Variants in RNGTT observed in about 807,000 individuals in gnomAD.
The protein encoded by RNGTT is mRNA-capping enzyme.
A neutral mutation model predicts 79.3 loss-of-function variants in RNGTT; 33 were observed. That is an observed-to-expected ratio of 0.42 (90% CI 0.32 to 0.56). The LOEUF is 0.56. Among genes scored for constraint, RNGTT ranks in the 20% least tolerant of loss-of-function variants. RNGTT has a pLI of 0.17. For synonymous variants in RNGTT, 222 were observed against 235.9 expected (o/e 0.94, Z 0.54); for missense variants, 497 against 739.1 (o/e 0.67, Z 3.80).
At position 88,963,383 on chromosome 6, in the gene RNGTT, C is replaced by T. The variant is rs73754840; in HGVS notation, c.27G>A (p.Arg9=). The T allele has an allele frequency of 6.2e-7, 1 of 1,610,082 alleles. No individual in the cohort carries two copies. Among genetic ancestry groups the T allele is most frequent in the South Asian group, 1.1e-5 (1 of 90,906 alleles). Reference sequence around the variant, plus strand: ...GGCCGCGCCGGGGACAGTTCAGCCACCGCGGCGGGATCTTGTTGTGAGCCA... The same window carrying T: ...GGCCGCGCCGGGGACAGTTCAGCCATCGCGGCGGGATCTTGTTGTGAGCCA... MAHNKIPP[R]WLNCPRRGQP... Residue 9 remains arginine (R), a synonymous_variant, in exon 1 of 16, where the codon CGG becomes CGA. Coordinates refer to ENST00000369485, the MANE Select transcript of RNGTT (RefSeq NM_003800.5).
chr6:88,653,638 T>C (rs16881010), intron 14 of RNGTT, among the ~76,000 whole-genome samples: 3,772 of 152,286 alleles, frequency 0.025, 141 homozygotes, highest in African/African-American at 0.086. Flanking sequence ...ATTAAAATTT[T>C]CAATGCAGTA....
At chr6:88,724,380 A>G (rs777988580) in intron 13 of RNGTT, among the ~76,000 whole-genome samples, 19 of 152,186 alleles carry the variant, frequency 1.2e-4, no homozygotes, top group Non-Finnish European at 2.4e-4. Context: ...TGTAAATACA[A>G]TTGTGTTACA....
At chr6:88,959,838 T>A (rs1255869889) in intron 1 of RNGTT, among the ~76,000 whole-genome samples, 3 of 152,230 alleles carry the variant, frequency 2.0e-5, no homozygotes, top group Non-Finnish European at 2.9e-5. Flanking sequence ...GCCTGTATGA[T>A]CAGGCTATTC....
intron 1 of RNGTT, among the ~76,000 whole-genome samples, chr6:88,963,083 C>T (rs937991341): frequency 6.6e-6 from 1 of 151,594 alleles, no homozygotes; most frequent in Admixed American, 6.5e-5. Context: ...ATTCCTGGAT[C>T]CTCACCTCCT....
At chr6:88,846,757 CA>C (rs200193188) in intron 10 of RNGTT, among the ~76,000 whole-genome samples, 8,043 of 113,538 alleles carry the variant, frequency 0.071, 236 homozygotes, top group African/African-American at 0.1. Flanking sequence ...AAGACTGTCT[CA>C]AAAAAAAAAA....
intron 11 of RNGTT, among the ~76,000 whole-genome samples, chr6:88,820,293 T>C (rs551701928): frequency 2.0e-5 from 3 of 152,258 alleles, no homozygotes; most frequent in South Asian, 2.1e-4. Context: ...TTTTAAAACA[T>C]TGGCCAGTTA....
intron 4 of RNGTT, among the ~76,000 whole-genome samples, chr6:88,918,038 C>T (rs1784052549): frequency 6.6e-6 from 1 of 152,042 alleles, no homozygotes; most frequent in South Asian, 2.1e-4. Context: ...AGAGTGCTAG[C>T]CAGGTGCAGT....
chr6:88,626,777 C>T (rs535377657), intron 14 of RNGTT, among the ~76,000 whole-genome samples: 5 of 151,956 alleles, frequency 3.3e-5, no homozygotes, highest in Non-Finnish European at 7.4e-5. Flanking sequence ...AATGAGAAGC[C>T]ATTATTGGGT....
chr6:88,610,209 T>C lies in RNGTT; in HGVS notation c.*2510A>G, dbSNP rs1771972706. 6.6e-6 allele frequency: 1 copy of C among 152,640 alleles called. No homozygotes were observed. Among genetic ancestry groups the C allele is most frequent in the Non-Finnish European group, 1.5e-5 (1 of 68,042 alleles). 9.5% of individuals were successfully genotyped at this position (152,640 alleles called of 1,614,324 possible). ...GGGTGTGGCTGACAGCAGTAGGATG[T>C]GATGCCAGCAATAGAAGGGACACAA... On this transcript the variant is annotated 3_prime_UTR_variant, in exon 16 of 16. Coordinates refer to ENST00000369485, the MANE Select transcript of RNGTT (RefSeq NM_003800.5).
chr6:88,913,204 C>CAAAAAAAAACAAA (rs376475170), intron 4 of RNGTT, among the ~76,000 whole-genome samples: 2 of 53,484 alleles, frequency 3.7e-5, no homozygotes, highest in South Asian at 6.4e-4. Context: ...AGCTCTGTCT[C>CAAAAAAAAACAAA]AAAAAAAAAC....
intron 14 of RNGTT, among the ~76,000 whole-genome samples, chr6:88,629,745 C>T (rs1234049972): frequency 6.6e-6 from 1 of 152,130 alleles, no homozygotes; most frequent in Non-Finnish European, 1.5e-5. Flanking sequence ...AAGTTGTTTT[C>T]TGGGTATATG....
In RNGTT at chr6:88,701,973, A is replaced by AAC. The variant is rs34992373; in HGVS notation, c.1440-23556_1440-23555dup. On this transcript the variant is annotated intron_variant, in intron 13 of 15. Coordinates refer to ENST00000369485, the MANE Select transcript of RNGTT (RefSeq NM_003800.5). ...AATCTCATTTACGATAGCCACAAAA[A>AAC]ACACACACAAAAAAACCTATGAATA... Among the ~76,000 whole-genome samples the AAC allele has an allele frequency of 7.5e-3, 1,147 of 152,176 alleles. 45 individuals are homozygous for AAC. The highest frequency in any genetic ancestry group is 0.064 in the Admixed American group (972 of 15,268).
chr6:88,612,725 T>G lies in RNGTT; in HGVS notation c.1788A>C (p.Leu596Phe). Residue 596 changes from leucine (L) to phenylalanine (F), a missense_variant, in exon 16 of 16, where the codon TTA becomes TTC. Leu to Phe is a conservative substitution (Grantham distance 22). Transcript: ENST00000369485. Reference sequence around the variant, plus strand: ...CTCAAGTCACAGGCAGGTCTTAGGTTAAAGGGCGTGGTCTTTTGGGAGGTG... The same window carrying G: ...CTCAAGTCACAGGCAGGTCTTAGGTGAAAGGGCGTGGTCTTTTGGGAGGTG... The part of the protein sequence containing the change: ...PPPPPKRPRP[L>F]T The G allele has an allele frequency of 6.2e-7, 1 of 1,612,304 alleles. No homozygotes were observed. Among genetic ancestry groups the G allele is most frequent in the Non-Finnish European group, 8.5e-7 (1 of 1,179,746 alleles).
chr6:88,925,027 T>C lies in RNGTT; in HGVS notation c.367+3958A>G, dbSNP rs140442465. Among the ~76,000 whole-genome samples the C allele has an allele frequency of 1.3e-4, 19 of 151,418 alleles. No individual in the cohort carries two copies. In the East Asian group the frequency reaches 3.5e-3, roughly 28 times the overall value. On this transcript the variant is annotated intron_variant, in intron 4 of 15. Transcript: ENST00000369485. ...TGAGCCACTATACCCACCTGTTGTG[T>C]TTTTTTTTAAGACAAAAATTTTTCT...
At chr6:88,937,319 TA>T (rs1264204053) in intron 2 of RNGTT, among the ~76,000 whole-genome samples, 1 of 151,884 alleles carries the variant, frequency 6.6e-6, no homozygotes, top group Non-Finnish European at 1.5e-5. Context: ...CACTCCAGCC[TA>T]GGCAACAAGA....
chr6:88,844,335 T>A, intron 11 of RNGTT, 22 bp downstream of exon 11: 1 of 1,600,688 alleles, frequency 6.2e-7, no homozygotes, highest in Non-Finnish European at 8.5e-7. Context: ...TAGCACTAAT[T>A]TAAAAAAAAA....
At chr6:88,890,969 C>T (rs1275333430) in intron 7 of RNGTT, among the ~76,000 whole-genome samples, 4 of 152,126 alleles carry the variant, frequency 2.6e-5, no homozygotes, top group African/African-American at 9.7e-5. Flanking sequence ...ATTTCCCCAA[C>T]GTGAGACTGC....
intron 13 of RNGTT, among the ~76,000 whole-genome samples, chr6:88,694,891 C>T (rs911123869): frequency 1.3e-5 from 2 of 152,150 alleles, no homozygotes; most frequent in Non-Finnish European, 2.9e-5. Context: ...GCCCTAATCA[C>T]ATACTAGCCC....
Position 88,679,489 on chromosome 6 carries a change from C to T in RNGTT, c.1440-1070G>A, listed in dbSNP as rs541264860. Among the ~76,000 whole-genome samples the T allele has an allele frequency of 2.0e-5, 3 of 152,250 alleles. No homozygotes were observed. The East Asian group carries it at 5.8e-4, about 29-fold the overall frequency. ...TTCAAATGGCATATATTTTATTTTGCACGCAATATGGAGTCATATTAAAAG... is the reference window on the plus strand; with the variant it reads ...TTCAAATGGCATATATTTTATTTTGTACGCAATATGGAGTCATATTAAAAG... On this transcript the variant is annotated intron_variant, in intron 13 of 15. Coordinates refer to ENST00000369485, the MANE Select transcript of RNGTT (RefSeq NM_003800.5).
Sources: gnomAD v4.1 joint callset for allele counts (sites outside exome capture counted in the v4.1 genomes callset) on GRCh38, gnomAD v4.1.1 for gene constraint, MANE v1.5 for transcripts, NCBI Gene and HGNC (gene_info 2026-07-23, HGNC 2026-07-21) for gene names.